Variants in USP40 observed in about 807,000 individuals in gnomAD.
USP40 encodes ubiquitin specific peptidase 40.
Under a neutral mutation model 166.2 loss-of-function variants are expected in USP40, and 143 were observed. The observed-to-expected ratio is 0.86, with a 90% CI of 0.75 to 0.99. The LOEUF is 0.99. Among genes scored for constraint, USP40 ranks in the 50% least tolerant of loss-of-function variants. USP40 has a pLI of 0.00. For synonymous variants in USP40, 498 were observed against 524.0 expected (o/e 0.95, Z 0.68); for missense variants, 1,444 against 1,479.7 (o/e 0.98, Z 0.40).
Position 233,485,992 on chromosome 2 carries a change from C to T in USP40, c.3198-15G>A, listed in dbSNP as rs192108386. 6.1e-5 allele frequency: 95 copies of T among 1,554,496 alleles called. 1 individual carries two copies. In the Admixed American group the frequency reaches 6.3e-4, roughly 10 times the overall value. On this transcript the variant is annotated splice_polypyrimidine_tract_variant and intron_variant, in intron 28 of 31. Transcript: ENST00000678225. ...CGTCCTGGGGGCTGTACCAGAAAAC[C>T]GTCAAGCGCCAGATCCAAACAAACA...
At chr2:233,506,002 A>T (rs1447254180) in intron 21 of USP40, among the ~76,000 whole-genome samples, 1 of 152,196 alleles carries the variant, frequency 6.6e-6, no homozygotes, top group African/African-American at 2.4e-5. Flanking sequence ...AAGGATGAAA[A>T]AATTCATAAG....
rs2064980698 is a variant in USP40, at chr2:233,486,847, C to A, written c.3198-870G>T. Among the ~76,000 whole-genome samples the A allele has an allele frequency of 1.3e-5, 2 of 152,154 alleles. No homozygotes were observed. Among genetic ancestry groups the A allele is most frequent in the South Asian group, 4.1e-4 (2 of 4,832 alleles). ...GGGGGCTGCTGGCCAGGGAGTGAGGCCAAGGCCTGGAGCCCAGCACAGTGC... is the reference window on the plus strand; with the variant it reads ...GGGGGCTGCTGGCCAGGGAGTGAGGACAAGGCCTGGAGCCCAGCACAGTGC... On this transcript the variant is annotated intron_variant, in intron 28 of 31. Coordinates refer to ENST00000678225, the MANE Select transcript of USP40 (RefSeq NM_001365479.2). This position sits in a 1 kb window ranked among gnomAD's most constrained non-coding sequence, Gnocchi z 4.0.
intron 21 of USP40, among the ~76,000 whole-genome samples, chr2:233,508,774 A>C (rs147508130): frequency 8.9e-4 from 135 of 152,234 alleles, no homozygotes; most frequent in African/African-American, 3.2e-3. Context: ...AAAATGCTTT[A>C]TTTTTTACCT....
chr2:233,527,738 C>T (rs72982327), intron 12 of USP40, among the ~76,000 whole-genome samples, 160 bp from the exon 13 acceptor site: 1 of 152,138 alleles, frequency 6.6e-6, no homozygotes, highest in Non-Finnish European at 1.5e-5. Flanking sequence ...ATTTTTCAGT[C>T]AATAGCAAAA....
chr2:233,493,494 C>A lies in USP40; in HGVS notation c.2848G>T (p.Glu950Ter), dbSNP rs1318272661. ...YQLQGPSGHW[E>*]SHQDQTNCTS... ...CAGTTGGTCTGGTCCTGATGACTCT[C>A]CCAGTGTCCTGAGGGACCCTGAAGC... Residue 950 changes from glutamate to a stop codon, truncating the protein, a stop_gained, in exon 25 of 32, where the codon GAG becomes TAG. Coordinates refer to ENST00000678225, the MANE Select transcript of USP40 (RefSeq NM_001365479.2). LOFTEE classifies it high-confidence loss of function. The surrounding 1 kb of genome is among the most constrained non-coding windows in gnomAD (Gnocchi z 4.7). The A allele has an allele frequency of 6.2e-7, 1 of 1,613,836 alleles. No homozygotes were observed. Among genetic ancestry groups the A allele is most frequent in the East Asian group, 2.2e-5 (1 of 44,884 alleles).
chr2:233,552,067 T>C (rs1336679282), intron 6 of USP40, among the ~76,000 whole-genome samples: 7 of 152,132 alleles, frequency 4.6e-5, no homozygotes, highest in Admixed American at 2.6e-4. Context: ...TTTAAGAGTA[T>C]CAGCTGTGCC....
At chr2:233,481,171 A>G (rs1323624587) in intron 31 of USP40, 32 bp downstream of exon 31, 4 of 1,543,572 alleles carry the variant, frequency 2.6e-6, no homozygotes, top group Non-Finnish European at 3.5e-6. Context: ...GGGCTCTGTC[A>G]GCTGCACATC....
At chr2:233,498,733 A>T in intron 22 of USP40, 121 bp from the exon 23 acceptor site, 1 of 727,828 alleles carries the variant, frequency 1.4e-6, no homozygotes, top group Non-Finnish European at 2.3e-6. Flanking sequence ...TAATAAAGCT[A>T]TGGGCCTCCA....
chr2:233,527,567 T>C lies in USP40; in HGVS notation c.1565A>G (p.Asp522Gly). ...CAATTCAAAAGTATTGTTTGCAGAA[T>C]CACATTCTGCCCTTTAAAGAGGCAC... ...IELQTKRAEC[D>G]SANNTFELHL... is the part of the protein sequence containing the mutation. Residue 522 changes from aspartate (D) to glycine (G), a missense_variant, in exon 13 of 32, where the codon GAT (aspartate) becomes GGT (glycine). By Grantham distance (94) the Asp-to-Gly change is moderately conservative. Transcript: ENST00000678225. The C allele has an allele frequency of 6.2e-7, 1 of 1,609,140 alleles. No homozygotes were observed. Among genetic ancestry groups the C allele is most frequent in the South Asian group, 1.1e-5 (1 of 89,786 alleles).
In USP40 at chr2:233,496,714, A is replaced by AT; in HGVS notation, c.2790+43_2790+44insA. On this transcript the variant is annotated intron_variant, in intron 24 of 31. Transcript: ENST00000678225. ...GCTGTATCATCTCTGTAATCAGATA[A>AT]CAATTATTACTTAAGAGTTGTCTAT... The AT allele has an allele frequency of 5.3e-6, 8 of 1,518,196 alleles. 1 individual carries two copies. In the Middle Eastern group the frequency reaches 1.3e-3, roughly 247 times the overall value. The allele number at this position is 1,518,196 out of a possible 1,614,324, so 94.0% of individuals were successfully genotyped here. A position where few individuals can be genotyped will look rare whatever the true frequency, so the allele number is the denominator to read the frequency against.
At chr2:233,497,469 T>C (rs926663249) in intron 23 of USP40, among the ~76,000 whole-genome samples, 1 of 151,994 alleles carries the variant, frequency 6.6e-6, no homozygotes, top group African/African-American at 2.4e-5. Flanking sequence ...GAGCCAAGCA[T>C]GGGAATGGTC....
chr2:233,523,552 T>C (rs1403533872), intron 15 of USP40, 63 bp from the exon 16 acceptor site: 8 of 1,432,536 alleles, frequency 5.6e-6, no homozygotes, highest in Non-Finnish European at 7.6e-6. Context: ...CAACATAACA[T>C]GGTAAAAGAT....
chr2:233,525,434 G>T, intron 14 of USP40, 44 bp downstream of exon 14: 1 of 1,479,626 alleles, frequency 6.8e-7, no homozygotes, highest in Non-Finnish European at 9.4e-7. Flanking sequence ...GGACAAAAAT[G>T]TAGATATATA....
chr2:233,476,819 A>G lies in USP40; in HGVS notation c.*573T>C, dbSNP rs2064202654. On this transcript the variant is annotated 3_prime_UTR_variant, in exon 32 of 32. Transcript: ENST00000678225. The stretch of plus-strand genomic sequence containing the variant: ...AAGAGCTCGCACTTTTCAGCATCGC[A>G]GTTTTAACTCAGACCAAAGGGCAGA... 1 of 165,368 alleles carries G rather than the reference A, an allele frequency of 6.0e-6. No individual in the cohort carries two copies. Among genetic ancestry groups the G allele is most frequent in the Non-Finnish European group, 1.3e-5 (1 of 75,354 alleles). The allele number at this position is 165,368 out of a possible 1,614,324, so 10.2% of individuals were successfully genotyped here.
At chr2:233,514,932 T>A (rs143167990) in intron 18 of USP40, among the ~76,000 whole-genome samples, 12 of 152,298 alleles carry the variant, frequency 7.9e-5, no homozygotes, top group African/African-American at 2.9e-4. Context: ...TCCCTCCCAA[T>A]CCTGATCTGC....
chr2:233,488,041 G>A, intron 28 of USP40, 198 bp downstream of exon 28: 1 of 710,238 alleles, frequency 1.4e-6, no homozygotes, highest in Non-Finnish European at 2.6e-6. Context: ...CTCCCTTACT[G>A]TTTTTATGGG....
At chr2:233,533,220 C>T (rs1245388572) in intron 11 of USP40, among the ~76,000 whole-genome samples, 2 of 152,100 alleles carry the variant, frequency 1.3e-5, no homozygotes, top group Non-Finnish European at 2.9e-5. Context: ...TTATGCTATC[C>T]AAGGAAATCC....
In USP40 at chr2:233,561,268, T is replaced by C. The variant is rs568657710; in HGVS notation, c.268-1344A>G. ...AGAGCCCGCATCGCCAAGTCAATCC[T>C]AAGCCAAAAGAACAAAGCTGGAGGC... is the stretch of plus-strand genomic sequence containing the variant. On this transcript the variant is annotated intron_variant, in intron 3 of 31. Transcript: ENST00000678225. 754 of 1,468,948 alleles carry C rather than the reference T, an allele frequency of 5.1e-4. 10 individuals are homozygous for C. The South Asian group carries it at 6.8e-3, about 13-fold the overall frequency. 91.0% of individuals were successfully genotyped at this position (1,468,948 alleles called of 1,614,324 possible).
chr2:233,515,532 C>T (rs575775287), intron 18 of USP40, among the ~76,000 whole-genome samples: 1 of 151,156 alleles, frequency 6.6e-6, no homozygotes, highest in South Asian at 2.1e-4. Context: ...AGTGTCTGTT[C>T]AAGATTCTAA....
Sources: allele counts gnomAD v4.1 joint callset (sites outside exome capture counted in the v4.1 genomes callset), GRCh38; gene constraint gnomAD v4.1.1; non-coding constraint Gnocchi (gnomAD v3.1); transcripts MANE v1.5; gene names NCBI Gene and HGNC (gene_info 2026-07-23, HGNC 2026-07-21).